CDH13: variants seen among roughly 807,000 people sequenced by gnomAD.
CDH13 encodes the protein cadherin-13.
A neutral mutation model predicts 63.8 loss-of-function variants in CDH13; 24 were observed. The ratio of observed to expected loss-of-function variants is 0.38; its 90% CI spans 0.27 to 0.53. CDH13 has a LOEUF of 0.53. CDH13 is among the 20% of genes least tolerant of loss of function. The pLI, the probability that CDH13 is intolerant of heterozygous loss-of-function variation, is 0.85. For synonymous variants in CDH13, 503 were observed against 355.3 expected (o/e 1.42, Z -4.67); for missense variants, 1,049 against 903.1 (o/e 1.16, Z -2.07).
intron 1 of CDH13, among the ~76,000 whole-genome samples, chr16:82,850,257 G>GA (rs1420577825): frequency 6.6e-6 from 1 of 152,186 alleles, no homozygotes; most frequent in Non-Finnish European, 1.5e-5. Context: ...AAAATAACAG[G>GA]AGTTTAGAAG....
intron 1 of CDH13, among the ~76,000 whole-genome samples, chr16:82,842,104 A>ATG (rs1409263473): frequency 5.4e-5 from 2 of 37,206 alleles, no homozygotes; most frequent in Non-Finnish European, 1.1e-4. Context: ...ATATATATAT[A>ATG]TATATATGTA....
intron 2 of CDH13, among the ~76,000 whole-genome samples, chr16:82,941,416 C>T (rs1312629178): frequency 6.6e-6 from 1 of 152,170 alleles, no homozygotes; most frequent in Non-Finnish European, 1.5e-5. Context: ...TGCTCACCTA[C>T]CAAAGGTCCC....
At chr16:83,522,667 C>A (rs2074868074) in intron 7 of CDH13, among the ~76,000 whole-genome samples, 1 of 152,204 alleles carries the variant, frequency 6.6e-6, no homozygotes, top group East Asian at 1.9e-4. Flanking sequence ...AGCGTCATTT[C>A]TCATCAGCAG....
chr16:82,638,107 C>G (rs1001339297), intron 1 of CDH13, among the ~76,000 whole-genome samples: 7 of 152,206 alleles, frequency 4.6e-5, no homozygotes, highest in Non-Finnish European at 7.3e-5. Context: ...ATCTGCCTTG[C>G]CTCCCTCTTT....
At chr16:83,072,311 C>T (rs2032499288) in intron 3 of CDH13, among the ~76,000 whole-genome samples, 1 of 152,190 alleles carries the variant, frequency 6.6e-6, no homozygotes, top group African/African-American at 2.4e-5. Flanking sequence ...TTTAGTTAAT[C>T]TGTTGACAAT....
At chr16:83,253,085 G>T (rs982386569) in intron 5 of CDH13, among the ~76,000 whole-genome samples, 8 of 152,196 alleles carry the variant, frequency 5.3e-5, no homozygotes, top group African/African-American at 1.9e-4. Flanking sequence ...AGTGGAGATT[G>T]TAACTCTTAC....
chr16:83,092,023 T>C lies in CDH13; in HGVS notation c.367-33362T>C, dbSNP rs75803856. Among the ~76,000 whole-genome samples, 1,027 of 152,368 alleles carry C rather than the reference T, an allele frequency of 6.7e-3. 17 individuals carry two copies. Among genetic ancestry groups the C allele is most frequent in the African/African-American group, 0.022 (917 of 41,584 alleles). On this transcript the variant is annotated intron_variant, in intron 3 of 13. Transcript: ENST00000567109. The stretch of plus-strand genomic sequence containing the variant: ...CCAGGCAATGCTGGCATTAAAAATT[T>C]ATTTTGAAAATCCTCTAAGTTCTAA...
intron 3 of CDH13, among the ~76,000 whole-genome samples, chr16:83,115,222 C>A (rs1382625922): frequency 6.6e-6 from 1 of 152,308 alleles, no homozygotes; most frequent in East Asian, 1.9e-4. Context: ...AGCTGAATGA[C>A]TTGGGATGAG....
chr16:83,494,368 A>T (rs1367713761), intron 7 of CDH13, among the ~76,000 whole-genome samples: 1 of 152,202 alleles, frequency 6.6e-6, no homozygotes, highest in Non-Finnish European at 1.5e-5. Flanking sequence ...TTGCTTCATC[A>T]AGAGATTTTC....
At chr16:82,767,577 T>C (rs544423871) in intron 1 of CDH13, among the ~76,000 whole-genome samples, 149 of 152,334 alleles carry the variant, frequency 9.8e-4, no homozygotes, top group African/African-American at 3.5e-3. Flanking sequence ...GTGCTCCTGG[T>C]CCCTGCCCCC....
chr16:83,557,474 T>C (rs1334765573), intron 7 of CDH13, among the ~76,000 whole-genome samples: 1 of 152,184 alleles, frequency 6.6e-6, no homozygotes, highest in Non-Finnish European at 1.5e-5. Flanking sequence ...ATGTATATGA[T>C]AGAACATGTT....
intron 11 of CDH13, among the ~76,000 whole-genome samples, chr16:83,771,480 G>A (rs1386144886): frequency 6.6e-6 from 1 of 152,202 alleles, no homozygotes; most frequent in Non-Finnish European, 1.5e-5. Flanking sequence ...AGAAACAAGG[G>A]CAAGCAGAGG....
chr16:83,541,918 C>G (rs2075302635), intron 7 of CDH13, among the ~76,000 whole-genome samples: 1 of 152,224 alleles, frequency 6.6e-6, no homozygotes, highest in South Asian at 2.1e-4. Flanking sequence ...CTGTGTCTTT[C>G]TTATCCATCA....
intron 5 of CDH13, among the ~76,000 whole-genome samples, chr16:83,297,564 C>T (rs1196334095): frequency 3.3e-5 from 5 of 151,950 alleles, no homozygotes; most frequent in African/African-American, 1.2e-4. Context: ...TTGAATGCCT[C>T]TTTCATGTTG....
chr16:83,726,370 C>CATTG (rs1195652660), intron 10 of CDH13: 1 of 97,514 alleles, frequency 1.0e-5, no homozygotes. Flanking sequence ...AGATAGGGTC[C>CATTG]ATTCATTCAT....
At chr16:83,232,740 C>T (rs1567526040) in intron 5 of CDH13, among the ~76,000 whole-genome samples, 1 of 151,066 alleles carries the variant, frequency 6.6e-6, no homozygotes, top group Non-Finnish European at 1.5e-5. Context: ...CCAATTAAAC[C>T]TGTCTCTTTT....
chr16:82,639,501 G>A (rs1909122677), intron 1 of CDH13: 8 of 1,387,478 alleles, frequency 5.8e-6, no homozygotes, highest in Non-Finnish European at 7.9e-6. Context: ...GTGGCTGGAT[G>A]GAATTCTTCC....
rs541884970 is a variant in CDH13 at position 83,674,031 on chromosome 16, C to G, written c.1284+3059C>G. Among the ~76,000 whole-genome samples the G allele has an allele frequency of 2.6e-5, 4 of 152,346 alleles. No homozygotes were observed. The South Asian group carries it at 8.3e-4, about 32-fold the overall frequency. On this transcript the variant is annotated intron_variant, in intron 9 of 13. Transcript: ENST00000567109. ...GAAGGGCCTTGAGTTCTATCTGTCTCTCAGCACATGTGAGGCAGAGCCCCA... is the reference window on the plus strand; with the variant it reads ...GAAGGGCCTTGAGTTCTATCTGTCTGTCAGCACATGTGAGGCAGAGCCCCA...
At chr16:83,215,426 C>T (rs1354993311) in intron 4 of CDH13, among the ~76,000 whole-genome samples, 1 of 151,804 alleles carries the variant, frequency 6.6e-6, no homozygotes, top group Non-Finnish European at 1.5e-5. Context: ...TTCAGTTACT[C>T]TTAAAAATAC....
Sources: allele counts gnomAD v4.1 joint callset (sites outside exome capture counted in the v4.1 genomes callset), GRCh38; gene constraint gnomAD v4.1.1; transcripts MANE v1.5; gene names NCBI Gene and HGNC (gene_info 2026-07-23, HGNC 2026-07-21).